HNF1B: variants seen among roughly 807,000 people sequenced by gnomAD.
The protein encoded by HNF1B is hepatocyte nuclear factor 1-beta.
A neutral mutation model predicts 61.7 loss-of-function variants in HNF1B; 8 were observed. That is an observed-to-expected ratio of 0.13 (90% confidence interval 0.08 to 0.23). The LOEUF is 0.23. HNF1B is among the 10% of genes least tolerant of loss of function. The probability of loss-of-function intolerance (pLI) is 1.00; values close to 1 mark genes in which losing one functional copy is unlikely to be tolerated. For missense variants in HNF1B, 562 were observed against 714.5 expected (o/e 0.79, Z 2.43); for synonymous variants, 314 against 287.7 (o/e 1.09, Z -0.93).
chr17:37,738,522 AGT>A (rs966642942), intron 2 of HNF1B, among the ~76,000 whole-genome samples: 7 of 152,354 alleles, frequency 4.6e-5, no homozygotes, highest in African/African-American at 1.7e-4. Context: ...GCCAGAGGAT[AGT>A]GTGTGGGGAG....
intron 4 of HNF1B, among the ~76,000 whole-genome samples, chr17:37,710,877 A>T (rs1226256305): frequency 6.6e-6 from 1 of 152,228 alleles, no homozygotes; most frequent in Non-Finnish European, 1.5e-5. Context: ...CGAGGGCAGG[A>T]AATTTTTATC....
chr17:37,733,310 T>C (rs2033742080), intron 3 of HNF1B, among the ~76,000 whole-genome samples: 1 of 152,242 alleles, frequency 6.6e-6, no homozygotes, highest in African/African-American at 2.4e-5. Flanking sequence ...AGTGGGTTTC[T>C]TGACTGCAGG....
chr17:37,712,966 G>A (rs112271315), intron 4 of HNF1B, among the ~76,000 whole-genome samples: 3,103 of 152,268 alleles, frequency 0.02, 44 homozygotes, highest in South Asian at 0.029. Flanking sequence ...TTATCTTTCC[G>A]TAGAGAACAG....
intron 3 of HNF1B, among the ~76,000 whole-genome samples, chr17:37,732,455 A>G (rs1365056705): frequency 6.6e-6 from 1 of 152,182 alleles, no homozygotes; most frequent in Non-Finnish European, 1.5e-5. Context: ...CGGGGTATGG[A>G]GCACAGCCTG....
chr17:37,745,046 G>C lies in HNF1B; in HGVS notation c.-162C>G. ...GGTCCCGGAGGCTCCTCCGAAAGGAGTCAGAAAACTTCTAACTTGCCATGA... is the reference window on the plus strand; with the variant it reads ...GGTCCCGGAGGCTCCTCCGAAAGGACTCAGAAAACTTCTAACTTGCCATGA... On this transcript the variant is annotated 5_prime_UTR_variant, in exon 1 of 9. Transcript: ENST00000617811. 1.6e-6 allele frequency: 1 copy of C among 636,332 alleles called. No homozygotes were observed. Among genetic ancestry groups the C allele is most frequent in the Non-Finnish European group, 2.8e-6 (1 of 362,542 alleles). The allele number at this position is 636,332 out of a possible 1,614,324, so 39.4% of individuals were successfully genotyped here.
At chr17:37,741,457 C>T (rs2033989599) in intron 1 of HNF1B, among the ~76,000 whole-genome samples, 2 of 151,950 alleles carry the variant, frequency 1.3e-5, no homozygotes, top group Admixed American at 1.3e-4. Flanking sequence ...ACAAGAAGAA[C>T]AAAAAATGAG....
chr17:37,690,568 G>A (rs1157076721), intron 8 of HNF1B, among the ~76,000 whole-genome samples: 1 of 152,162 alleles, frequency 6.6e-6, no homozygotes, highest in Non-Finnish European at 1.5e-5. Context: ...TGATGGGAGT[G>A]TGAGAAGAGG....
chr17:37,718,476 C>G (rs1338270163), intron 4 of HNF1B, among the ~76,000 whole-genome samples: 1 of 152,212 alleles, frequency 6.6e-6, no homozygotes, highest in Non-Finnish European at 1.5e-5. Context: ...CAATGTGTCA[C>G]AAGCACCCAT....
Position 37,738,059 on chromosome 17 carries a change from A to T in HNF1B, c.544+1381T>A, listed in dbSNP as rs558219602. ...GCAGCACAGACTGGAAATGCTGCAT[A>T]AAGCTTAAATTGGGCAGGGCCCAAG... is the stretch of plus-strand genomic sequence containing the variant. On this transcript the variant is annotated intron_variant, in intron 2 of 8. Transcript: ENST00000617811. Among the ~76,000 whole-genome samples, 1,068 of 152,308 alleles carry T rather than the reference A, an allele frequency of 7.0e-3. 11 individuals carry two copies. Among genetic ancestry groups the T allele is most frequent in the African/African-American group, 0.025 (1,028 of 41,568 alleles).
At chr17:37,728,000 T>G (rs2033559293) in intron 4 of HNF1B, among the ~76,000 whole-genome samples, 1 of 151,112 alleles carries the variant, frequency 6.6e-6, no homozygotes, top group Non-Finnish European at 1.5e-5. Flanking sequence ...TTTTTGTTGT[T>G]TTTTTTTTAA....
intron 5 of HNF1B, among the ~76,000 whole-genome samples, chr17:37,705,474 G>A (rs2032715023): frequency 6.6e-6 from 1 of 152,164 alleles, no homozygotes; most frequent in Admixed American, 6.5e-5. Context: ...AGGGTTGGGG[G>A]AGATTAGCCA....
chr17:37,695,047 G>A (rs576019373), intron 8 of HNF1B, among the ~76,000 whole-genome samples: 25 of 152,282 alleles, frequency 1.6e-4, no homozygotes, highest in South Asian at 2.1e-4. Flanking sequence ...CCAAGACAAT[G>A]GAAAAAAGGC....
chr17:37,743,873 C>T (rs2147595246), intron 1 of HNF1B, among the ~76,000 whole-genome samples: 1 of 152,364 alleles, frequency 6.6e-6, no homozygotes, highest in South Asian at 2.1e-4. Context: ...CCCCACACCA[C>T]CGCGCTTGGT....
At chr17:37,708,190 C>T (rs1478503026) in intron 5 of HNF1B, among the ~76,000 whole-genome samples, 2 of 152,176 alleles carry the variant, frequency 1.3e-5, no homozygotes, top group African/African-American at 4.8e-5. Context: ...CCACTCTTGC[C>T]TTGGGGGACC....
intron 5 of HNF1B, among the ~76,000 whole-genome samples, chr17:37,707,289 T>A (rs1183119456): frequency 6.6e-6 from 1 of 152,128 alleles, no homozygotes; most frequent in East Asian, 1.9e-4. Context: ...CTAATTTTTT[T>A]ATTTTTTGTA....
At chr17:37,705,304 C>CA (rs1310077785) in intron 5 of HNF1B, among the ~76,000 whole-genome samples, 2 of 151,510 alleles carry the variant, frequency 1.3e-5, no homozygotes, top group Admixed American at 6.6e-5. Context: ...ATCATCTCTA[C>CA]AAAAAAAGAA....
chr17:37,742,136 C>G lies in HNF1B; in HGVS notation c.344+2405G>C, dbSNP rs193195187. Among the ~76,000 whole-genome samples the G allele has an allele frequency of 1.2e-3, 176 of 152,392 alleles. 1 individual carries two copies. In the Middle Eastern group the frequency reaches 0.02, roughly 18 times the overall value. On this transcript the variant is annotated intron_variant, in intron 1 of 8. Coordinates refer to ENST00000617811, the MANE Select transcript of HNF1B (RefSeq NM_000458.4). ...GCCGCGGCGCCCGCAGGGTCCGTCC[C>G]GCACGCTCCTTCTCAAACAATGACT... is the stretch of plus-strand genomic sequence containing the variant.
At chr17:37,733,955 G>A (rs1191445448) in intron 2 of HNF1B, 134 bp from the exon 3 acceptor site, 3 of 1,061,744 alleles carry the variant, frequency 2.8e-6, no homozygotes, top group Non-Finnish European at 2.8e-6. Context: ...TTCTCTCACT[G>A]CATGTGGAGC....
chr17:37,723,803 T>A (rs2033403438), intron 4 of HNF1B, among the ~76,000 whole-genome samples: 1 of 152,286 alleles, frequency 6.6e-6, no homozygotes, highest in African/African-American at 2.4e-5. Context: ...CAGCTACTAT[T>A]TATGAGAATC....
Sources: gnomAD v4.1 joint callset for allele counts (sites outside exome capture counted in the v4.1 genomes callset) on GRCh38, gnomAD v4.1.1 for gene constraint, MANE v1.5 for transcripts, NCBI Gene and HGNC (gene_info 2026-07-23, HGNC 2026-07-21) for gene names.